PRKCE: variants seen among roughly 807,000 people sequenced by gnomAD.
PRKCE encodes the protein protein kinase C epsilon, also known as protein kinase C epsilon type.
PRKCE carries 16 observed loss-of-function variants against 85.4 expected under a neutral mutation model. The ratio of observed to expected loss-of-function variants is 0.19; its 90% confidence interval spans 0.13 to 0.28. The LOEUF (loss-of-function observed/expected upper bound fraction) is 0.28, where lower values mean the gene tolerates loss of function less well. Among genes scored for constraint, PRKCE ranks in the 10% least tolerant of loss-of-function variants. The pLI is 1.00. For missense variants in PRKCE, 573 were observed against 975.2 expected, an observed-to-expected ratio of 0.59 and a Z score of 5.49; for synonymous variants, 388 against 371.5, an observed-to-expected ratio of 1.04 and a Z score of -0.51.
intron 1 of PRKCE, among the ~76,000 whole-genome samples, chr2:45,722,228 T>A (rs1286680397): frequency 2.6e-5 from 4 of 152,210 alleles, no homozygotes; most frequent in Non-Finnish European, 4.4e-5. Context: ...TTTAATTTTT[T>A]AATTTAATTT....
chr2:45,852,689 C>T (rs1692371989), intron 2 of PRKCE, among the ~76,000 whole-genome samples: 1 of 152,198 alleles, frequency 6.6e-6, no homozygotes, highest in South Asian at 2.1e-4. Context: ...GGTTTGCATA[C>T]AGCTGGGCAC....
At chr2:45,963,605 G>T (rs143316766) in intron 2 of PRKCE, among the ~76,000 whole-genome samples, 1 of 152,194 alleles carries the variant, frequency 6.6e-6, no homozygotes, top group Non-Finnish European at 1.5e-5. Flanking sequence ...TACCGCGCCC[G>T]GCCATCTTTA....
intron 1 of PRKCE, among the ~76,000 whole-genome samples, chr2:45,834,292 T>G (rs1361699927): frequency 6.6e-6 from 1 of 152,200 alleles, no homozygotes; most frequent in African/African-American, 2.4e-5. Flanking sequence ...GGGTGTTTAT[T>G]TAAGGTGTGT....
intron 11 of PRKCE, among the ~76,000 whole-genome samples, chr2:46,106,797 G>A (rs1334815249): frequency 2.0e-5 from 3 of 152,182 alleles, no homozygotes; most frequent in Non-Finnish European, 4.4e-5. Context: ...CAAATACAGT[G>A]ATTTTCTGAG....
chr2:45,927,957 G>C (rs1698758217), intron 2 of PRKCE, among the ~76,000 whole-genome samples: 1 of 152,134 alleles, frequency 6.6e-6, no homozygotes, highest in Non-Finnish European at 1.5e-5. Context: ...GGGTGGTACT[G>C]GAGGACCCCA....
rs1227304306 is a variant in PRKCE, at chr2:46,159,590, G to GTCTC, written c.1921-14_1921-13insTCTC. ...GGCCTTTGTCACTAATTCCGACTCT[G>GTCTC]TCCTCATCCCTGCAGTTCATGACGA... On this transcript the variant is annotated splice_polypyrimidine_tract_variant and intron_variant, in intron 13 of 14. Transcript: ENST00000306156. The surrounding 1 kb of genome is among the most constrained non-coding windows in gnomAD (Gnocchi z 4.1). 1.3e-6 allele frequency: 2 copies of GTCTC among 1,585,292 alleles called. No homozygotes were observed. Among genetic ancestry groups the GTCTC allele is most frequent in the Admixed American group, 1.7e-5 (1 of 57,572 alleles).
intron 1 of PRKCE, among the ~76,000 whole-genome samples, chr2:45,705,610 T>C (rs1045465402): frequency 2.6e-5 from 4 of 152,214 alleles, no homozygotes; most frequent in African/African-American, 9.6e-5. Context: ...CAGATAAACC[T>C]CCACGCTTTG....
chr2:45,985,320 AGAT>A (rs1431274540), intron 6 of PRKCE, among the ~76,000 whole-genome samples: 2 of 152,198 alleles, frequency 1.3e-5, no homozygotes, highest in East Asian at 3.8e-4. Flanking sequence ...CAGCGCACTC[AGAT>A]GATGATGCTA....
intron 1 of PRKCE, among the ~76,000 whole-genome samples, chr2:45,781,109 G>A (rs1333102898): frequency 6.6e-6 from 1 of 152,056 alleles, no homozygotes; most frequent in African/African-American, 2.4e-5. Context: ...GAGGCGGGAG[G>A]ATCACTTGAG....
chr2:46,124,156 C>G (rs903301877), intron 11 of PRKCE, among the ~76,000 whole-genome samples: 1 of 152,144 alleles, frequency 6.6e-6, no homozygotes, highest in Non-Finnish European at 1.5e-5. Context: ...GAAACCCCAT[C>G]TCTACTAAAA....
intron 10 of PRKCE, among the ~76,000 whole-genome samples, chr2:46,019,978 T>C (rs1326454162): frequency 6.7e-6 from 1 of 149,948 alleles, no homozygotes; most frequent in Non-Finnish European, 1.5e-5. Flanking sequence ...GCTTCCCAAA[T>C]AGCTGGGATT....
intron 1 of PRKCE, among the ~76,000 whole-genome samples, chr2:45,745,427 A>C (rs899261548): frequency 1.3e-5 from 2 of 151,984 alleles, no homozygotes; most frequent in African/African-American, 4.8e-5. Context: ...CCTGTTCTCA[A>C]CAACATTTCG....
At chr2:45,708,949 GCA>G (rs1247191446) in intron 1 of PRKCE, among the ~76,000 whole-genome samples, 1 of 152,208 alleles carries the variant, frequency 6.6e-6, no homozygotes, top group Non-Finnish European at 1.5e-5. Flanking sequence ...GTGGATAGTA[GCA>G]CACAGTTTCA....
chr2:45,918,181 A>G (rs754899582), intron 2 of PRKCE, among the ~76,000 whole-genome samples: 22 of 152,168 alleles, frequency 1.4e-4, no homozygotes, highest in Non-Finnish European at 3.2e-4. Context: ...GCCCAGGCAG[A>G]GGAGGCACCG....
intron 11 of PRKCE, among the ~76,000 whole-genome samples, chr2:46,135,024 G>A (rs1234557205): frequency 6.6e-6 from 1 of 152,198 alleles, no homozygotes; most frequent in African/African-American, 2.4e-5. Flanking sequence ...CCCAGGTACA[G>A]CCACAGGCTG....
chr2:45,728,796 T>G (rs1681309796), intron 1 of PRKCE, among the ~76,000 whole-genome samples: 2 of 152,196 alleles, frequency 1.3e-5, no homozygotes, highest in South Asian at 4.1e-4. Context: ...GTCACTTATT[T>G]TTCATAACAA....
intron 13 of PRKCE, among the ~76,000 whole-genome samples, chr2:46,152,750 T>C (rs1676772650): frequency 6.6e-6 from 1 of 152,060 alleles, no homozygotes; most frequent in Non-Finnish European, 1.5e-5. Flanking sequence ...GGTTTCGCCA[T>C]GTTGGCCAGG....
rs192596566 is a variant in PRKCE at position 46,111,105 on chromosome 2, T to C, written c.1592+24743T>C. On this transcript the variant is annotated intron_variant, in intron 11 of 14. Coordinates refer to ENST00000306156, the MANE Select transcript of PRKCE (RefSeq NM_005400.3). Reference sequence around the variant, plus strand: ...TTTGAGGCAGTTTTTCTGGTCTGGATGTGATCTATCTTGATGACCATTACA... The same window carrying C: ...TTTGAGGCAGTTTTTCTGGTCTGGACGTGATCTATCTTGATGACCATTACA... Among the ~76,000 whole-genome samples the C allele has an allele frequency of 6.7e-4, 102 of 152,320 alleles. No individual in the cohort carries two copies. The Middle Eastern group carries it at 0.017, about 25-fold the overall frequency.
intron 1 of PRKCE, among the ~76,000 whole-genome samples, chr2:45,717,153 T>A (rs149616810): frequency 5.8e-4 from 89 of 152,316 alleles, no homozygotes; most frequent in Middle Eastern, 3.4e-3. Flanking sequence ...ATCCCATTGT[T>A]TGCCTCCCAC....
Sources: allele counts gnomAD v4.1 joint callset (sites outside exome capture counted in the v4.1 genomes callset), GRCh38; gene constraint gnomAD v4.1.1; non-coding constraint Gnocchi (gnomAD v3.1); transcripts MANE v1.5; gene names NCBI Gene and HGNC (gene_info 2026-07-23, HGNC 2026-07-21).